PTPN13: variants seen among roughly 807,000 people sequenced by gnomAD.
PTPN13 encodes tyrosine-protein phosphatase non-receptor type 13.
Under a neutral mutation model 284.0 loss-of-function variants are expected in PTPN13, and 191 were observed. The ratio of observed to expected loss-of-function variants is 0.67; its 90% CI spans 0.60 to 0.76. The LOEUF is 0.76. PTPN13 is among the 30% of genes least tolerant of loss of function. The probability of loss-of-function intolerance (pLI) is 0.00; values close to 1 mark genes in which losing one functional copy is unlikely to be tolerated. For missense variants in PTPN13, 2,797 were observed against 2,939.9 expected (o/e 0.95, Z 1.12); for synonymous variants, 986 against 1,022.3 (o/e 0.96, Z 0.68).
At chr4:86,613,847 G>A (rs1337496138) in intron 1 of PTPN13, among the ~76,000 whole-genome samples, 1 of 152,096 alleles carries the variant, frequency 6.6e-6, no homozygotes, top group African/African-American at 2.4e-5. Flanking sequence ...TTCTGTCTCA[G>A]TACCATTAGC....
chr4:86,714,068 CAAAA>C (rs33992132), intron 7 of PTPN13, among the ~76,000 whole-genome samples: 4 of 108,868 alleles, frequency 3.7e-5, no homozygotes, highest in Non-Finnish European at 2.0e-5. Context: ...TCTTCAGTGT[CAAAA>C]AAAAAAAAAA....
chr4:86,725,662 GTTGT>G lies in PTPN13; in HGVS notation c.1608+3239_1608+3242del, dbSNP rs1426647337. 4.7e-5 allele frequency among the ~76,000 whole-genome samples: 7 copies of G among 149,462 alleles called. 1 individual carries two copies. In the South Asian group the frequency reaches 6.4e-4, roughly 14 times the overall value. Reference sequence around the variant, plus strand: ...TATCCTTTGCCTGTTTTTCAGTGGGGTTGTTTGTTTGTTTCTTGTAAATTTGTTG... The same window carrying G: ...TATCCTTTGCCTGTTTTTCAGTGGGGTTGTTTGTTTCTTGTAAATTTGTTG... On this transcript the variant is annotated intron_variant, in intron 10 of 47. Coordinates refer to ENST00000411767, the MANE Select transcript of PTPN13 (RefSeq NM_080683.3).
At chr4:86,732,378 A>G in intron 10 of PTPN13, 22 bp from the exon 11 acceptor site, 1 of 1,526,096 alleles carries the variant, frequency 6.6e-7, no homozygotes, top group Non-Finnish European at 8.9e-7. Context: ...AAAAATATTG[A>G]TTCTGCTTAT....
chr4:86,594,850 A>T (rs115118554), intron 1 of PTPN13, 61 bp downstream of exon 1: 1 of 152,288 alleles, frequency 6.6e-6, no homozygotes, highest in African/African-American at 2.4e-5. Flanking sequence ...AACAAAGTAC[A>T]TTGCGCTCGT....
At chr4:86,680,894 A>G (rs565085056) in intron 3 of PTPN13, among the ~76,000 whole-genome samples, 46 of 152,276 alleles carry the variant, frequency 3.0e-4, no homozygotes, top group African/African-American at 1.1e-3. Context: ...CCATTCTTTC[A>G]GGGAGCATCT....
intron 35 of PTPN13, among the ~76,000 whole-genome samples, chr4:86,779,068 A>G (rs1405152506): frequency 6.6e-6 from 1 of 151,886 alleles, no homozygotes; most frequent in Non-Finnish European, 1.5e-5. Flanking sequence ...TTCTTTAAAA[A>G]AAAAAAAAAA....
At chr4:86,766,136 A>G (rs1739285750) in intron 26 of PTPN13, among the ~76,000 whole-genome samples, 1 of 152,216 alleles carries the variant, frequency 6.6e-6, no homozygotes. Flanking sequence ...CCTGATATCT[A>G]CACTTTTAGT....
At chr4:86,705,124 A>T (rs1368533071) in intron 7 of PTPN13, among the ~76,000 whole-genome samples, 3 of 152,106 alleles carry the variant, frequency 2.0e-5, no homozygotes, top group African/African-American at 4.8e-5. Flanking sequence ...TCACGAGGTC[A>T]GGAGATCAAG....
At chr4:86,604,869 G>T (rs1016406040) in intron 1 of PTPN13, among the ~76,000 whole-genome samples, 1 of 151,790 alleles carries the variant, frequency 6.6e-6, no homozygotes, top group Non-Finnish European at 1.5e-5. Context: ...TTAAAATCTT[G>T]CTTGAAACAC....
chr4:86,598,911 C>T (rs552670526), intron 1 of PTPN13, among the ~76,000 whole-genome samples: 3 of 152,208 alleles, frequency 2.0e-5, no homozygotes, highest in East Asian at 1.9e-4. Context: ...ACTGCAGGTG[C>T]GCGCTATCCA....
In PTPN13 at chr4:86,811,114, T is replaced by G. The variant is rs1315489092; in HGVS notation, c.7362+6T>G. The G allele has an allele frequency of 2.5e-6, 4 of 1,609,898 alleles. No homozygotes were observed. The African/African-American group carries it at 4.0e-5, about 16-fold the overall frequency. On this transcript the variant is annotated splice_donor_region_variant and intron_variant, in intron 47 of 47. Transcript: ENST00000411767. ...ACGGAATGGTTCAGACAGAGGTGAG[T>G]CATGGCTGGGCCTCCTAATGAGAAT...
intron 2 of PTPN13, among the ~76,000 whole-genome samples, chr4:86,649,421 G>C (rs1724829276): frequency 6.6e-6 from 1 of 151,976 alleles, no homozygotes; most frequent in Admixed American, 6.6e-5. Context: ...AAGAGATAGG[G>C]GTCTATCTTC....
chr4:86,736,511 A>G (rs1481743865), intron 15 of PTPN13, among the ~76,000 whole-genome samples: 7 of 152,222 alleles, frequency 4.6e-5, no homozygotes, highest in Non-Finnish European at 7.3e-5. Context: ...TTTTATTCAC[A>G]GACTTACATT....
chr4:86,769,562 C>A (rs1739738934), intron 28 of PTPN13, among the ~76,000 whole-genome samples: 1 of 152,054 alleles, frequency 6.6e-6, no homozygotes, highest in East Asian at 1.9e-4. Flanking sequence ...TTAGTTCATG[C>A]AGTTAGTTGA....
At chr4:86,622,507 G>A (rs1554293724) in intron 1 of PTPN13, among the ~76,000 whole-genome samples, 1 of 152,056 alleles carries the variant, frequency 6.6e-6, no homozygotes, top group Non-Finnish European at 1.5e-5. Context: ...AAAATGAAAG[G>A]AAAAAAGTTG....
At chr4:86,727,225 T>C (rs777576329) in intron 10 of PTPN13, among the ~76,000 whole-genome samples, 7 of 149,796 alleles carry the variant, frequency 4.7e-5, no homozygotes, top group Non-Finnish European at 7.5e-5. Context: ...TAGTATTTTA[T>C]TGAGGATTTT....
At chr4:86,631,751 A>G (rs116797282) in intron 1 of PTPN13, among the ~76,000 whole-genome samples, 7,048 of 152,222 alleles carry the variant, frequency 0.046, 221 homozygotes, top group African/African-American at 0.06. Flanking sequence ...TATAATTAGC[A>G]ATCTTTGTAG....
chr4:86,607,167 C>G (rs925747328), intron 1 of PTPN13, among the ~76,000 whole-genome samples: 14 of 151,680 alleles, frequency 9.2e-5, no homozygotes, highest in African/African-American at 3.4e-4. Context: ...TAAAAAAAGT[C>G]TTTAAATACC....
chr4:86,784,341 A>G (rs895043915), intron 37 of PTPN13, 124 bp from the exon 38 acceptor site: 22 of 629,376 alleles, frequency 3.5e-5, no homozygotes, highest in Non-Finnish European at 5.4e-5. Context: ...ACACTGATCT[A>G]AGGTGGAGAG....
Sources: gnomAD v4.1 joint callset for allele counts (sites outside exome capture counted in the v4.1 genomes callset) on GRCh38, gnomAD v4.1.1 for gene constraint, MANE v1.5 for transcripts, NCBI Gene and HGNC (gene_info 2026-07-23, HGNC 2026-07-21) for gene names.